The following ROR1 variants were observed in gnomAD, a reference collection of about 807,000 sequenced individuals.
The protein encoded by ROR1 is inactive tyrosine-protein kinase transmembrane receptor ROR1.
Under a neutral mutation model 78.8 loss-of-function variants are expected in ROR1, and 19 were observed. That is an observed-to-expected ratio of 0.24 (90% confidence interval 0.17 to 0.35). The LOEUF (loss-of-function observed/expected upper bound fraction) is 0.35. Among genes scored for constraint, ROR1 ranks in the 10% least tolerant of loss-of-function variants. The pLI, the probability that ROR1 is intolerant of heterozygous loss-of-function variation, is 1.00. For missense variants in ROR1, 917 were observed against 1,177.8 expected (o/e 0.78, Z 3.24); for synonymous variants, 386 against 433.6 (o/e 0.89, Z 1.36).
rs565641203 is a variant in ROR1, at chr1:63,778,816, G to A, written c.91+4308G>A. Among the ~76,000 whole-genome samples the A allele has an allele frequency of 2.6e-5, 4 of 152,280 alleles. No homozygotes were observed. In the South Asian group the frequency reaches 8.3e-4, roughly 32 times the overall value. ...TAAGTTACTTTCTTTAGGTTACACTGCTAAAAAGTGGCATTACTGGGCTTA... is the reference window on the plus strand; with the variant it reads ...TAAGTTACTTTCTTTAGGTTACACTACTAAAAAGTGGCATTACTGGGCTTA... On this transcript the variant is annotated intron_variant, in intron 1 of 8. Coordinates refer to ENST00000371079, the MANE Select transcript of ROR1 (RefSeq NM_005012.4).
intron 4 of ROR1, among the ~76,000 whole-genome samples, chr1:64,067,444 CA>C (rs58105318): frequency 1.2e-3 from 67 of 57,496 alleles, no homozygotes; most frequent in South Asian, 0.01. Context: ...GCCTCCGTCT[CA>C]AAAAAAAAAA....
intron 4 of ROR1, among the ~76,000 whole-genome samples, chr1:64,074,151 C>T (rs1647030401): frequency 6.6e-6 from 1 of 152,166 alleles, no homozygotes; most frequent in African/African-American, 2.4e-5. Context: ...CCCATTCTGT[C>T]TAGGTGGAGC....
At chr1:63,889,118 A>T (rs953909767) in intron 1 of ROR1, among the ~76,000 whole-genome samples, 3 of 152,212 alleles carry the variant, frequency 2.0e-5, no homozygotes, top group African/African-American at 7.2e-5. Context: ...CAAGGAATCC[A>T]TGAGTCTGCT....
chr1:63,868,865 A>G, intron 1 of ROR1, among the ~76,000 whole-genome samples: 1 of 152,152 alleles, frequency 6.6e-6, no homozygotes, highest in East Asian at 1.9e-4. Context: ...GTTTTTACAC[A>G]TTTTGTTTTG....
chr1:64,086,206 G>A (rs1647151753), intron 4 of ROR1, among the ~76,000 whole-genome samples: 1 of 152,178 alleles, frequency 6.6e-6, no homozygotes, highest in Admixed American at 6.5e-5. Context: ...ACAACCTAAT[G>A]GAGTGGGCAA....
At chr1:63,941,895 C>T (rs1366396214) in intron 1 of ROR1, among the ~76,000 whole-genome samples, 2 of 152,150 alleles carry the variant, frequency 1.3e-5, no homozygotes, top group African/African-American at 4.8e-5. Flanking sequence ...CATGAGCCTC[C>T]GGGTGCCAGA....
chr1:64,173,421 G>A lies in ROR1; in HGVS notation c.1387-4007G>A, dbSNP rs565871411. On this transcript the variant is annotated intron_variant, in intron 8 of 8. Transcript: ENST00000371079. ...GGAAGAACAATTATAATTCCATAGA[G>A]TGACCACATACTGAAGGCTAACCTA... is the stretch of plus-strand genomic sequence containing the variant. Among the ~76,000 whole-genome samples the A allele has an allele frequency of 8.5e-5, 13 of 152,268 alleles. No individual in the cohort carries two copies. In the South Asian group the frequency reaches 2.1e-3, roughly 24 times the overall value.
At chr1:63,983,857 C>G (rs538160221) in intron 1 of ROR1, among the ~76,000 whole-genome samples, 1 of 152,244 alleles carries the variant, frequency 6.6e-6, no homozygotes, top group Non-Finnish European at 1.5e-5. Flanking sequence ...GCCACAGTTT[C>G]CTTATCTACT....
At chr1:64,046,604 C>A (rs1373112150) in intron 2 of ROR1, among the ~76,000 whole-genome samples, 1 of 152,178 alleles carries the variant, frequency 6.6e-6, no homozygotes, top group Non-Finnish European at 1.5e-5. Context: ...ATGGCTAAAG[C>A]TTAGGCCCAT....
At chr1:64,155,603 G>A (rs1376516508) in intron 7 of ROR1, among the ~76,000 whole-genome samples, 3 of 152,146 alleles carry the variant, frequency 2.0e-5, no homozygotes, top group Admixed American at 6.5e-5. Flanking sequence ...CCAGACCCTC[G>A]TTTACAATAG....
intron 1 of ROR1, among the ~76,000 whole-genome samples, chr1:63,818,896 G>T (rs966592448): frequency 6.6e-6 from 1 of 152,100 alleles, no homozygotes; most frequent in Non-Finnish European, 1.5e-5. Flanking sequence ...AGACTGGTGT[G>T]TAGAGACTAT....
chr1:63,976,000 G>T (rs1646157093), intron 1 of ROR1, among the ~76,000 whole-genome samples: 1 of 152,066 alleles, frequency 6.6e-6, no homozygotes, highest in South Asian at 2.1e-4. Flanking sequence ...TGGGGAATTT[G>T]AAAAAATGTA....
intron 1 of ROR1, among the ~76,000 whole-genome samples, chr1:63,792,067 A>G (rs1214004506): frequency 6.6e-6 from 1 of 152,070 alleles, no homozygotes; most frequent in Non-Finnish European, 1.5e-5. Context: ...CAGGGTAAAG[A>G]GCTTGTAAAG....
chr1:63,940,340 A>C (rs540900284), intron 1 of ROR1, among the ~76,000 whole-genome samples: 4 of 152,300 alleles, frequency 2.6e-5, no homozygotes, highest in Admixed American at 6.5e-5. Context: ...AACCAGCTTG[A>C]AGGTCTTCTG....
Position 63,802,208 on chromosome 1 carries a change from G to A in ROR1, c.91+27700G>A, listed in dbSNP as rs577043638. Among the ~76,000 whole-genome samples the A allele has an allele frequency of 2.0e-5, 3 of 152,236 alleles. No individual in the cohort carries two copies. In the East Asian group the frequency reaches 5.8e-4, roughly 29 times the overall value. On this transcript the variant is annotated intron_variant, in intron 1 of 8. Transcript: ENST00000371079. Reference sequence around the variant, plus strand: ...TTATATAGCTGAAACTGTATAACAAGCTTTGGGATCAAACCCTACTGAATC... The same window carrying A: ...TTATATAGCTGAAACTGTATAACAAACTTTGGGATCAAACCCTACTGAATC...
chr1:64,142,863 C>T, intron 7 of ROR1: 2 of 1,394,896 alleles, frequency 1.4e-6, no homozygotes, highest in South Asian at 3.1e-5. Flanking sequence ...GCCTTTATAC[C>T]TGCAGCCATT....
At chr1:64,124,522 G>T (rs1648647040) in intron 4 of ROR1, among the ~76,000 whole-genome samples, 1 of 152,012 alleles carries the variant, frequency 6.6e-6, no homozygotes. Context: ...AGGATTCAGA[G>T]TCAAATAGTT....
intron 4 of ROR1, among the ~76,000 whole-genome samples, chr1:64,088,020 A>G (rs1647167193): frequency 6.6e-6 from 1 of 152,218 alleles, no homozygotes; most frequent in East Asian, 1.9e-4. Context: ...TGGAAGAGTG[A>G]CACACACCAA....
chr1:63,797,709 C>T (rs1376149823), intron 1 of ROR1, among the ~76,000 whole-genome samples: 1 of 152,136 alleles, frequency 6.6e-6, no homozygotes, highest in East Asian at 1.9e-4. Flanking sequence ...CTATATATAT[C>T]TTTAAAAAGG....
Sources: gnomAD v4.1 joint callset for allele counts (sites outside exome capture counted in the v4.1 genomes callset) on GRCh38, gnomAD v4.1.1 for gene constraint, MANE v1.5 for transcripts, NCBI Gene and HGNC (gene_info 2026-07-23, HGNC 2026-07-21) for gene names.